Variants in CSMD1 observed in about 807,000 individuals in gnomAD.
The protein encoded by CSMD1 is CUB and sushi domain-containing protein 1.
CSMD1 carries 213 observed loss-of-function variants against 417.5 expected under a neutral mutation model. The observed-to-expected ratio is 0.51, with a 90% CI of 0.46 to 0.57. The LOEUF (loss-of-function observed/expected upper bound fraction) is 0.57, where lower values mean the gene tolerates loss of function less well. Ranked by LOEUF, CSMD1 falls within the 20% of genes least tolerant of loss-of-function variation. The pLI, the probability that CSMD1 is intolerant of heterozygous loss-of-function variation, is 0.00. For missense variants in CSMD1, 6,923 were observed against 4,529.7 expected, an observed-to-expected ratio of 1.53 and a Z score of -15.17; for synonymous variants, 2,862 against 1,736.8, an observed-to-expected ratio of 1.65 and a Z score of -16.11.
At chr8:4,295,435 T>C (rs1797622139) in intron 3 of CSMD1, among the ~76,000 whole-genome samples, 2 of 144,418 alleles carry the variant, frequency 1.4e-5, no homozygotes, top group African/African-American at 5.0e-5. Flanking sequence ...AATCTTAAGA[T>C]ATATATAATC....
At chr8:4,804,531 G>C (rs568870904) in intron 1 of CSMD1, among the ~76,000 whole-genome samples, 62 of 149,660 alleles carry the variant, frequency 4.1e-4, no homozygotes, top group African/African-American at 1.4e-3. Flanking sequence ...ATGGACGTGA[G>C]AGAGAGAGAG....
At chr8:4,066,062 G>T (rs192919510) in intron 3 of CSMD1, among the ~76,000 whole-genome samples, 1 of 152,192 alleles carries the variant, frequency 6.6e-6, no homozygotes, top group Non-Finnish European at 1.5e-5. Flanking sequence ...GGAAAGCCTG[G>T]AATAGGTGGC....
At chr8:4,021,996 G>C (rs1344894974) in intron 4 of CSMD1, among the ~76,000 whole-genome samples, 3 of 151,712 alleles carry the variant, frequency 2.0e-5, no homozygotes, top group Middle Eastern at 3.2e-3. Flanking sequence ...AGTTAGGTCT[G>C]TCTAATTCTG....
intron 1 of CSMD1, among the ~76,000 whole-genome samples, chr8:4,666,349 T>A (rs1046698783): frequency 6.6e-6 from 1 of 152,102 alleles, no homozygotes; most frequent in Admixed American, 6.6e-5. Context: ...GCTTTTAACA[T>A]GGAAGAGGGA....
At chr8:4,455,496 G>A (rs1306210355) in intron 2 of CSMD1, among the ~76,000 whole-genome samples, 3 of 152,120 alleles carry the variant, frequency 2.0e-5, no homozygotes, top group Admixed American at 6.5e-5. Flanking sequence ...GAGGAAGCTG[G>A]TTTCCATTTG....
intron 3 of CSMD1, among the ~76,000 whole-genome samples, chr8:4,182,134 C>G (rs542216444): frequency 1.3e-5 from 2 of 151,772 alleles, no homozygotes; most frequent in Non-Finnish European, 2.9e-5. Context: ...CAAAAGAAGA[C>G]AGAACTAAAA....
intron 3 of CSMD1, among the ~76,000 whole-genome samples, chr8:4,202,054 T>G (rs1563265317): frequency 6.6e-6 from 1 of 152,102 alleles, no homozygotes; most frequent in Non-Finnish European, 1.5e-5. Context: ...CTGCTGTGGG[T>G]TGGCTCTTAA....
intron 3 of CSMD1, among the ~76,000 whole-genome samples, chr8:4,301,999 A>C: frequency 6.6e-6 from 1 of 152,236 alleles, no homozygotes; most frequent in Admixed American, 6.5e-5. Context: ...TGTTAGAACA[A>C]GTTAATATGA....
At chr8:4,428,837 G>A (rs1407867072) in intron 2 of CSMD1, among the ~76,000 whole-genome samples, 2 of 151,966 alleles carry the variant, frequency 1.3e-5, no homozygotes, top group African/African-American at 2.4e-5. Context: ...TCCTGCCTCA[G>A]CCTCCTGAGT....
At chr8:3,012,580 C>T (rs1324247741) in intron 52 of CSMD1, among the ~76,000 whole-genome samples, 1 of 152,140 alleles carries the variant, frequency 6.6e-6, no homozygotes, top group Non-Finnish European at 1.5e-5. Flanking sequence ...AAAAAAAATG[C>T]TTTTGTCAAA....
chr8:3,586,505 TTAACTTGTCATGAC>T (rs1800608909), intron 8 of CSMD1, among the ~76,000 whole-genome samples: 1 of 152,014 alleles, frequency 6.6e-6, no homozygotes, highest in South Asian at 2.1e-4. Flanking sequence ...CACATGAACC[TTAACTTGTCATGAC>T]TAAGACAGAA....
chr8:3,472,930 C>G (rs773073195), intron 11 of CSMD1, among the ~76,000 whole-genome samples: 6 of 151,874 alleles, frequency 4.0e-5, no homozygotes, highest in Non-Finnish European at 7.4e-5. Flanking sequence ...TTTTTCACAC[C>G]ACTGTTTTCT....
chr8:3,719,576 C>T (rs939774006), intron 6 of CSMD1, among the ~76,000 whole-genome samples: 2 of 152,132 alleles, frequency 1.3e-5, no homozygotes, highest in African/African-American at 4.8e-5. Flanking sequence ...AGCAATAATA[C>T]ATCTCTTGCA....
intron 18 of CSMD1, among the ~76,000 whole-genome samples, chr8:3,385,812 A>G (rs1043058487): frequency 2.6e-5 from 4 of 151,986 alleles, no homozygotes; most frequent in Admixed American, 6.6e-5. Context: ...CACCTCTTTC[A>G]TCTGCTTGGA....
At chr8:4,827,938 G>C (rs547476951) in intron 1 of CSMD1, among the ~76,000 whole-genome samples, 1 of 152,170 alleles carries the variant, frequency 6.6e-6, no homozygotes, top group Non-Finnish European at 1.5e-5. Flanking sequence ...ATTCATTCAT[G>C]AGTTTCAAAA....
At chr8:4,344,268 C>T (rs945645689) in intron 3 of CSMD1, among the ~76,000 whole-genome samples, 1 of 152,124 alleles carries the variant, frequency 6.6e-6, no homozygotes, top group African/African-American at 2.4e-5. Flanking sequence ...CGTGTTCATT[C>T]AATTGTTCAT....
chr8:4,125,510 G>T (rs7017735), intron 3 of CSMD1, among the ~76,000 whole-genome samples: 2 of 152,232 alleles, frequency 1.3e-5, no homozygotes, highest in African/African-American at 4.8e-5. Flanking sequence ...ACGTCGGCCG[G>T]ACCTCCTGAG....
rs114799148 is a variant in CSMD1 at position 4,832,247 on chromosome 8, C to A, written c.85+162085G>T. ...GCTGGGATTTGGATGAGGACATTAG[C>A]CAGTAATGGAAGTTTGTGATTCTAG... On this transcript the variant is annotated intron_variant, in intron 1 of 69. Coordinates refer to ENST00000635120, the MANE Select transcript of CSMD1 (RefSeq NM_033225.6). Among the ~76,000 whole-genome samples the A allele has an allele frequency of 5.6e-3, 849 of 152,224 alleles. 9 individuals carry two copies. Among genetic ancestry groups the A allele is most frequent in the African/African-American group, 0.02 (822 of 41,534 alleles).
chr8:4,060,056 C>T (rs1286447190), intron 3 of CSMD1, among the ~76,000 whole-genome samples: 1 of 152,164 alleles, frequency 6.6e-6, no homozygotes, highest in Non-Finnish European at 1.5e-5. Flanking sequence ...AAAATACTGG[C>T]AAACCGAATC....
Sources: allele counts gnomAD v4.1 joint callset (sites outside exome capture counted in the v4.1 genomes callset), GRCh38; gene constraint gnomAD v4.1.1; transcripts MANE v1.5; gene names NCBI Gene and HGNC (gene_info 2026-07-23, HGNC 2026-07-21).